PDZD7: variants seen among roughly 807,000 people sequenced by gnomAD.
PDZD7 encodes the protein PDZ domain-containing protein 7.
A neutral mutation model predicts 84.7 loss-of-function variants in PDZD7; 72 were observed. The ratio of observed to expected loss-of-function variants is 0.85; its 90% CI spans 0.70 to 1.03. The LOEUF is 1.03. PDZD7 is among the 50% of genes least tolerant of loss of function. The pLI, the probability that PDZD7 is intolerant of heterozygous loss-of-function variation, is 0.00. For synonymous variants in PDZD7, 594 were observed against 580.7 expected (o/e 1.02, Z -0.33); for missense variants, 1,490 against 1,412.9 (o/e 1.05, Z -0.87).
chr10:101,015,872 A>G, intron 10 of PDZD7, 61 bp from the exon 11 acceptor site: 1 of 1,493,118 alleles, frequency 6.7e-7, no homozygotes, highest in Non-Finnish European at 9.0e-7. Context: ...GCTGGGCCCC[A>G]GAATTGGCCA....
intron 4 of PDZD7, among the ~76,000 whole-genome samples, chr10:101,022,707 C>A (rs970927564): frequency 6.6e-6 from 1 of 151,996 alleles, no homozygotes; most frequent in Non-Finnish European, 1.5e-5. Flanking sequence ...GCAGTCCTTC[C>A]ACCTCAGCCT....
chr10:101,026,986 G>T (rs1008280273), intron 2 of PDZD7, among the ~76,000 whole-genome samples: 2 of 152,084 alleles, frequency 1.3e-5, no homozygotes, highest in Admixed American at 1.3e-4. Context: ...TTTTCCAGGA[G>T]CCTGAGCCCT....
chr10:101,030,415 G>T, intron 1 of PDZD7, 31 bp from the exon 2 acceptor site: 1 of 686,900 alleles, frequency 1.5e-6, no homozygotes, highest in Non-Finnish European at 2.7e-6. Context: ...TGAGGGAGGG[G>T]TGTAAATGTT....
At position 101,030,056 on chromosome 10, in the gene PDZD7, G is replaced by C; in HGVS notation, c.164C>G (p.Pro55Arg). 6.2e-7 allele frequency: 1 copy of C among 1,614,112 alleles called. No homozygotes were observed. The highest frequency in any genetic ancestry group is 8.5e-7 in the Non-Finnish European group (1 of 1,180,042). Residue 55 changes from proline (P) to arginine (R), a missense_variant, in exon 2 of 17, where the codon CCC (proline) becomes CGC (arginine). Pro to Arg is a moderately radical substitution (Grantham distance 103). Coordinates refer to ENST00000619208, the MANE Select transcript of PDZD7 (RefSeq NM_001195263.2). ...GGGCGATGAGGCTCGGATTCCGCGG[G>C]GGGGCCCGTTCAGCAGCCGTTGTTG... The part of the protein sequence containing the change: ...RKQQRLLNGP[P>R]RGIRASSPMG...
At chr10:101,021,529 C>T (rs914162855) in intron 6 of PDZD7, among the ~76,000 whole-genome samples, 14 of 152,134 alleles carry the variant, frequency 9.2e-5, no homozygotes, top group Admixed American at 5.2e-4. Flanking sequence ...CTCCACCCTT[C>T]ATAAGAAGGG....
chr10:101,013,043 A>T (rs116128420), intron 11 of PDZD7, among the ~76,000 whole-genome samples: 180 of 152,288 alleles, frequency 1.2e-3, no homozygotes, highest in African/African-American at 4.2e-3. Context: ...GCACGCATAG[A>T]ACACTTTCTA....
At chr10:101,009,419 C>A in intron 15 of PDZD7, 69 bp from the exon 16 acceptor site, 1 of 1,275,426 alleles carries the variant, frequency 7.8e-7, no homozygotes, top group Non-Finnish European at 1.1e-6. Context: ...CTGGAGAAAC[C>A]TAGAATCCCA....
chr10:101,025,319 C>T (rs2134115876), intron 2 of PDZD7, among the ~76,000 whole-genome samples: 2 of 152,130 alleles, frequency 1.3e-5, no homozygotes, highest in Non-Finnish European at 2.9e-5. Flanking sequence ...AAGTGATTCT[C>T]CTGCCTCAGC....
chr10:101,020,641 GA>G lies in PDZD7; in HGVS notation c.904del (p.Ser302LeufsTer9). On this transcript the variant is annotated frameshift_variant, in exon 7 of 17. Coordinates refer to ENST00000619208, the MANE Select transcript of PDZD7 (RefSeq NM_001195263.2). LOFTEE classifies it high-confidence loss of function. ...GRYPAYKEMV[S>X]EYCWLDRLSN... The stretch of plus-strand genomic sequence containing the variant: ...ACGTCGGTCCAGCCAGCAGTACTCA[GA>G]AACCATCTCCTTGTAGGCAGGATAC... 1 of 1,614,040 alleles carries G rather than the reference GA, an allele frequency of 6.2e-7. No homozygotes were observed. Among genetic ancestry groups the G allele is most frequent in the South Asian group, 1.1e-5 (1 of 91,082 alleles).
rs1043026839 is a variant in PDZD7 at position 101,010,389 on chromosome 10, C to T, written c.2500G>A (p.Gly834Arg). The T allele has an allele frequency of 2.6e-6, 4 of 1,536,106 alleles. No homozygotes were observed. Among genetic ancestry groups the T allele is most frequent in the Non-Finnish European group, 3.5e-6 (4 of 1,146,946 alleles). ...RPLDGEAAKVGAKQGPSESGT... is the reference protein window; with the variant it reads ...RPLDGEAAKVRAKQGPSESGT... ...CTCTCCGAGGGCCCTTGCTTGGCCC[C>T]CACCTTGGCTGCCTCCCCATCCAGA... The change falls in exon 15 of 17, where the codon GGG becomes AGG. Residue 834 changes from glycine to arginine, a missense_variant. Physicochemically the swap from Gly to Arg is moderately radical, Grantham distance 125. Transcript: ENST00000619208.
At position 101,011,060 on chromosome 10, in the gene PDZD7, T is replaced by TATTC. The variant is rs763493578; in HGVS notation, c.2006-178_2006-177insGAAT. The TATTC allele has an allele frequency of 2.1e-3, 3,055 of 1,433,668 alleles. 50 individuals are homozygous for TATTC. In the African/African-American group the frequency reaches 0.038, roughly 18 times the overall value. The allele number at this position is 1,433,668 out of a possible 1,614,324, so 88.8% of individuals were successfully genotyped here. A position where few individuals can be genotyped will look rare whatever the true frequency, so the allele number is the denominator to read the frequency against. ...GTTCTATTAGAATCGCTTATTTATT[T>TATTC]ATTTGAGATGGAATCTCACTCTGTT... is the stretch of plus-strand genomic sequence containing the variant. On this transcript the variant is annotated intron_variant, in intron 14 of 16. Coordinates refer to ENST00000619208, the MANE Select transcript of PDZD7 (RefSeq NM_001195263.2).
intron 9 of PDZD7, 98 bp downstream of exon 9, chr10:101,018,001 G>T (rs1300078316): frequency 6.8e-7 from 1 of 1,465,072 alleles, no homozygotes; most frequent in African/African-American, 1.4e-5. Flanking sequence ...TAGGGACTCA[G>T]CTGGTAAGAC....
Position 101,017,560 on chromosome 10 carries a change from T to C in PDZD7, c.1522+539A>G, listed in dbSNP as rs977491921. ...ACTTTGGGAGACTAAGGCGGGTAGA[T>C]AGCTTCAGTCCAGGAATTTGAGACT... On this transcript the variant is annotated intron_variant, in intron 9 of 16. Transcript: ENST00000619208. The C allele has an allele frequency of 1.4e-5, 10 of 701,034 alleles. No individual in the cohort carries two copies. In the African/African-American group the frequency reaches 1.8e-4, roughly 12 times the overall value. The allele number at this position is 701,034 out of a possible 1,614,324, so 43.4% of individuals were successfully genotyped here.
At position 101,021,873 on chromosome 10, in the gene PDZD7, G is replaced by A; in HGVS notation, c.792C>T (p.Val264=). The A allele has an allele frequency of 1.9e-6, 3 of 1,614,134 alleles. No homozygotes were observed. The highest frequency in any genetic ancestry group is 2.5e-6 in the Non-Finnish European group (3 of 1,180,020). The part of the protein sequence containing the change: ...VGDQVLAANG[V]RFDDISHSQA... ...GGCTGTGGCTGATGTCGTCAAACCT[G>A]ACACCGTTGGCTGCCAGGACCTGGT... Residue 264 remains valine, a synonymous_variant, in exon 6 of 17, where the codon GTC becomes GTT. Coordinates refer to ENST00000619208, the MANE Select transcript of PDZD7 (RefSeq NM_001195263.2).
At chr10:101,024,228 GC>G (rs1937587457) in intron 2 of PDZD7, among the ~76,000 whole-genome samples, 160 bp from the exon 3 acceptor site, 1 of 152,204 alleles carries the variant, frequency 6.6e-6, no homozygotes, top group African/African-American at 2.4e-5. Context: ...CATTTCTAAG[GC>G]CCCTCTGGGT....
chr10:101,023,734 G>T, intron 3 of PDZD7, 124 bp from the exon 4 acceptor site: 1 of 1,437,370 alleles, frequency 7.0e-7, no homozygotes, highest in Non-Finnish European at 9.6e-7. Context: ...TCAGAGCAGG[G>T]GCTGAGTGTT....
Position 101,015,789 on chromosome 10 carries a change from CA to C in PDZD7, c.1595del (p.Leu532ArgfsTer38). On this transcript the variant is annotated frameshift_variant, in exon 11 of 17. Transcript: ENST00000619208. LOFTEE classifies it high-confidence loss of function. ...LRRDQERGRA[L>X]LSARSGSPSS... ...AGGGACTCCCAGACCTGGCAGACAGCAGGGCCCGGCCCCTCTCCTGGTCTGC... is the reference window on the plus strand; with the variant it reads ...AGGGACTCCCAGACCTGGCAGACAGCGGGCCCGGCCCCTCTCCTGGTCTGC... The C allele has an allele frequency of 1.3e-6, 2 of 1,549,114 alleles. No individual in the cohort carries two copies. Among genetic ancestry groups the C allele is most frequent in the Non-Finnish European group, 1.7e-6 (2 of 1,146,694 alleles).
intron 5 of PDZD7, 64 bp from the exon 6 acceptor site, chr10:101,022,009 C>T: frequency 6.3e-7 from 1 of 1,594,164 alleles, no homozygotes; most frequent in Non-Finnish European, 8.5e-7. Flanking sequence ...CCACTCCAGA[C>T]CCCCTTCTCT....
At position 101,017,521 on chromosome 10, in the gene PDZD7, G is replaced by A. The variant is rs143751766; in HGVS notation, c.1522+578C>T. 4.9e-4 allele frequency: 340 copies of A among 688,556 alleles called. 2 individuals carry two copies. The highest frequency in any genetic ancestry group is 3.0e-3 in the African/African-American group (169 of 56,742). The allele number at this position is 688,556 out of a possible 1,614,324, so 42.7% of individuals were successfully genotyped here. On this transcript the variant is annotated intron_variant, in intron 9 of 16. Transcript: ENST00000619208. ...GGATTGGCCAGGTGTGGTAGATCAC[G>A]CTGTAATCCTAGCACTTTGGGAGAC...
Sources: gnomAD v4.1 joint callset for allele counts (sites outside exome capture counted in the v4.1 genomes callset) on GRCh38, gnomAD v4.1.1 for gene constraint, MANE v1.5 for transcripts, NCBI Gene and HGNC (gene_info 2026-07-23, HGNC 2026-07-21) for gene names.